PLD5: variants seen among roughly 807,000 people sequenced by gnomAD.
PLD5 encodes the protein inactive phospholipase D5.
In PLD5, 36 loss-of-function variants were observed where a neutral mutation model predicts 61.1. That is an observed-to-expected ratio of 0.59 (90% confidence interval 0.45 to 0.78). The LOEUF is 0.78. Among genes scored for constraint, PLD5 ranks in the 30% least tolerant of loss-of-function variants. PLD5 has a pLI of 0.00. For synonymous variants in PLD5, 243 were observed against 242.8 expected, an observed-to-expected ratio of 1.00 and a Z score of -0.01; for missense variants, 515 against 644.4, an observed-to-expected ratio of 0.80 and a Z score of 2.17.
chr1:242,199,635 G>A (rs976645698), intron 5 of PLD5, among the ~76,000 whole-genome samples: 1 of 152,076 alleles, frequency 6.6e-6, no homozygotes, highest in Non-Finnish European at 1.5e-5. Flanking sequence ...GAAGGAACAT[G>A]CAATGTACCC....
chr1:242,483,608 T>C (rs1188616325), intron 1 of PLD5, among the ~76,000 whole-genome samples: 2 of 152,170 alleles, frequency 1.3e-5, no homozygotes, highest in Non-Finnish European at 2.9e-5. Context: ...ACAGTAATAA[T>C]GGGAGACTTT....
intron 3 of PLD5, among the ~76,000 whole-genome samples, chr1:242,275,969 T>C (rs1674389388): frequency 1.3e-5 from 2 of 152,124 alleles, no homozygotes; most frequent in South Asian, 2.1e-4. Context: ...TGGGGAATGA[T>C]AGTTACAGGG....
At chr1:242,317,636 GTTCT>G (rs1558458849) in intron 2 of PLD5, among the ~76,000 whole-genome samples, 2 of 151,350 alleles carry the variant, frequency 1.3e-5, no homozygotes. Context: ...CAAGAATCAT[GTTCT>G]TTGTTAGTTC....
At chr1:242,203,218 C>A (rs1357445262) in intron 5 of PLD5, among the ~76,000 whole-genome samples, 1 of 152,150 alleles carries the variant, frequency 6.6e-6, no homozygotes. Context: ...CTCCCATAAC[C>A]AATCACATAG....
At chr1:242,436,347 T>C (rs1055558756) in intron 1 of PLD5, among the ~76,000 whole-genome samples, 5 of 152,144 alleles carry the variant, frequency 3.3e-5, no homozygotes, top group African/African-American at 1.2e-4. Flanking sequence ...AAAAATCCAT[T>C]CAGAATTGCA....
At chr1:242,319,508 T>A (rs182776542) in intron 2 of PLD5, among the ~76,000 whole-genome samples, 5 of 152,108 alleles carry the variant, frequency 3.3e-5, no homozygotes, top group African/African-American at 7.2e-5. Flanking sequence ...GGGAACTGGG[T>A]CATGCAAATC....
intron 5 of PLD5, among the ~76,000 whole-genome samples, chr1:242,170,546 G>A (rs1190031785): frequency 6.6e-6 from 1 of 152,170 alleles, no homozygotes; most frequent in East Asian, 1.9e-4. Context: ...AAATGGGATG[G>A]AGAATGAGTT....
At position 242,342,258 on chromosome 1, in the gene PLD5, C is replaced by T. The variant is rs150849158; in HGVS notation, c.326+5848G>A. Among the ~76,000 whole-genome samples the T allele has an allele frequency of 9.9e-3, 1,505 of 152,230 alleles. 17 individuals carry two copies. The highest frequency in any genetic ancestry group is 0.033 in the African/African-American group (1,386 of 41,522). On this transcript the variant is annotated intron_variant, in intron 2 of 9. Transcript: ENST00000536534. Reference sequence around the variant, plus strand: ...TCTCTAATAAGTGGTGGAGTAGCAACTGAAAATGACTGACGTAGGATAGCT... The same window carrying T: ...TCTCTAATAAGTGGTGGAGTAGCAATTGAAAATGACTGACGTAGGATAGCT...
chr1:242,405,921 T>TAA lies in PLD5; in HGVS notation c.190-57681_190-57680dup, dbSNP rs34033626. On this transcript the variant is annotated intron_variant, in intron 1 of 9. Coordinates refer to ENST00000536534, the MANE Select transcript of PLD5 (RefSeq NM_001372062.1). ...CTGGCCCTATATGATACTTTTGACC[T>TAA]AAAAAAAAATCTAGCAATTTTACAG... Among the ~76,000 whole-genome samples, 589 of 151,360 alleles carry TAA rather than the reference T, an allele frequency of 3.9e-3. 1 individual carries two copies. Among genetic ancestry groups the TAA allele is most frequent in the Non-Finnish European group, 6.6e-3 (448 of 67,796 alleles).
intron 1 of PLD5, among the ~76,000 whole-genome samples, chr1:242,516,938 T>C (rs1358951337): frequency 2.6e-5 from 4 of 152,240 alleles, no homozygotes; most frequent in Non-Finnish European, 4.4e-5. Context: ...CAGCTTTTAT[T>C]AAATTTATTC....
At chr1:242,129,643 C>G (rs1663075567) in intron 5 of PLD5, among the ~76,000 whole-genome samples, 1 of 152,152 alleles carries the variant, frequency 6.6e-6, no homozygotes, top group South Asian at 2.1e-4. Context: ...CTGACAAATT[C>G]TTAATTTTTA....
At chr1:242,150,444 T>C (rs1029698671) in intron 5 of PLD5, among the ~76,000 whole-genome samples, 1 of 151,820 alleles carries the variant, frequency 6.6e-6, no homozygotes, top group Non-Finnish European at 1.5e-5. Flanking sequence ...TATTTCTCCT[T>C]ATACTATTAT....
chr1:242,496,230 G>A (rs958178223), intron 1 of PLD5, among the ~76,000 whole-genome samples: 5 of 152,056 alleles, frequency 3.3e-5, no homozygotes, highest in African/African-American at 1.2e-4. Context: ...ACTGTGTAAG[G>A]GAGATAAAGC....
chr1:242,298,687 G>C (rs559540582), intron 2 of PLD5, among the ~76,000 whole-genome samples: 7 of 152,298 alleles, frequency 4.6e-5, no homozygotes, highest in East Asian at 3.9e-4. Context: ...TCTGGAGAAG[G>C]GGGGAAGGTG....
intron 2 of PLD5, among the ~76,000 whole-genome samples, chr1:242,302,956 G>A (rs1247919479): frequency 6.6e-6 from 1 of 152,106 alleles, no homozygotes; most frequent in African/African-American, 2.4e-5. Flanking sequence ...CTGGACATGG[G>A]TTGGGATTCT....
At chr1:242,327,970 T>C (rs190766805) in intron 2 of PLD5, among the ~76,000 whole-genome samples, 1 of 151,876 alleles carries the variant, frequency 6.6e-6, no homozygotes, top group Non-Finnish European at 1.5e-5. Flanking sequence ...GTGGCATGCA[T>C]TGGCTGAGGT....
At chr1:242,113,570 ATATTT>A (rs1459860361) in intron 7 of PLD5, among the ~76,000 whole-genome samples, 1 of 152,166 alleles carries the variant, frequency 6.6e-6, no homozygotes, top group African/African-American at 2.4e-5. Flanking sequence ...TTTTCATATA[ATATTT>A]TATCTTTTAT....
At chr1:242,207,058 T>C (rs1669362871) in intron 5 of PLD5, among the ~76,000 whole-genome samples, 1 of 152,114 alleles carries the variant, frequency 6.6e-6, no homozygotes, top group Non-Finnish European at 1.5e-5. Context: ...TTTGGGAAAC[T>C]CCACTTCAAT....
rs1192474076 is a variant in PLD5 at position 242,382,936 on chromosome 1, G to T, written c.190-34694C>A. Among the ~76,000 whole-genome samples, 481 of 152,262 alleles carry T rather than the reference G, an allele frequency of 3.2e-3. 4 individuals are homozygous for T. The highest frequency in any genetic ancestry group is 0.011 in the African/African-American group (458 of 41,554). The stretch of plus-strand genomic sequence containing the variant: ...TATGTCTTTAGCAAAATATTTGCAG[G>T]TGTAAAAATCATTTCTCTTAGATTT... On this transcript the variant is annotated intron_variant, in intron 1 of 9. Transcript: ENST00000536534.
Sources: allele counts gnomAD v4.1 joint callset (sites outside exome capture counted in the v4.1 genomes callset), GRCh38; gene constraint gnomAD v4.1.1; transcripts MANE v1.5; gene names NCBI Gene and HGNC (gene_info 2026-07-23, HGNC 2026-07-21).